The following ENOX2 variants were observed in gnomAD, a reference collection of about 807,000 sequenced individuals.
ENOX2 encodes the protein ecto-NOX disulfide-thiol exchanger 2, also known as APK1 antigen.
A neutral mutation model predicts 45.0 loss-of-function variants in ENOX2; 36 were observed. The observed-to-expected ratio is 0.80, with a 90% CI of 0.61 to 1.06. The LOEUF is 1.06. ENOX2 is among the 50% of genes least tolerant of loss of function. The pLI, the probability that ENOX2 is intolerant of heterozygous loss-of-function variation, is 0.00. For synonymous variants in ENOX2, 174 were observed against 152.3 expected (o/e 1.14, Z -1.05); for missense variants, 423 against 462.5 (o/e 0.91, Z 0.78).
chrX:130,771,890 T>C (rs1221128599), intron 3 of ENOX2, among the ~76,000 whole-genome samples: 1 of 112,083 alleles, frequency 8.9e-6, no homozygotes, highest in African/African-American at 3.2e-5. Context: ...ATATGCAAGA[T>C]GAGAGTACTA....
At chrX:130,726,437 G>A (rs921457683) in intron 3 of ENOX2, among the ~76,000 whole-genome samples, 2 of 112,245 alleles carry the variant, frequency 1.8e-5, no homozygotes, top group African/African-American at 6.5e-5. Context: ...CAATTTTCAC[G>A]CATACTGCTG....
At chrX:130,765,291 A>G (rs1009154085) in intron 3 of ENOX2, among the ~76,000 whole-genome samples, 2 of 110,873 alleles carry the variant, frequency 1.8e-5, no homozygotes, top group African/African-American at 6.5e-5. Flanking sequence ...ACATCTAAAT[A>G]TAAGAGTTAT....
Position 130,715,631 on chromosome X carries a change from C to A in ENOX2, c.-38-12377G>T, listed in dbSNP as rs765636507. On this transcript the variant is annotated intron_variant, in intron 3 of 14. Transcript: ENST00000394363. Reference sequence around the variant, plus strand: ...AACCACTAGCATGCATTTGGCCAGACCAGGCATGATAAACTCTCAAGCCTT... The same window carrying A: ...AACCACTAGCATGCATTTGGCCAGAACAGGCATGATAAACTCTCAAGCCTT... Among the ~76,000 whole-genome samples the A allele has an allele frequency of 2.7e-5, 3 of 110,258 alleles. No individual in the cohort carries two copies. In the East Asian group the frequency reaches 8.5e-4, roughly 31 times the overall value.
chrX:130,754,589 A>G (rs1569497238), intron 3 of ENOX2, among the ~76,000 whole-genome samples: 1 of 111,898 alleles, frequency 8.9e-6, no homozygotes, highest in Non-Finnish European at 1.9e-5. Context: ...TTTTGCAGCA[A>G]CATGGATGCA....
At chrX:130,862,498 T>C (rs1232374917) in intron 2 of ENOX2, among the ~76,000 whole-genome samples, 1 of 110,661 alleles carries the variant, frequency 9.0e-6, no homozygotes, top group Non-Finnish European at 1.9e-5. Context: ...ATTGCCTATA[T>C]ATGTATACAT....
At chrX:130,780,505 A>G (rs137881029) in intron 3 of ENOX2, among the ~76,000 whole-genome samples, 369 of 112,070 alleles carry the variant, frequency 3.3e-3, no homozygotes, top group African/African-American at 0.011. Flanking sequence ...GATGAAGAAA[A>G]TGAGAAAGAA....
intron 13 of ENOX2, among the ~76,000 whole-genome samples, chrX:130,630,490 A>C (rs892393311): frequency 9.0e-6 from 1 of 111,289 alleles, no homozygotes; most frequent in African/African-American, 3.3e-5. Context: ...TGAAGCCTCC[A>C]TAAGAACTTT....
chrX:130,695,830 T>C (rs2037743736), intron 4 of ENOX2, among the ~76,000 whole-genome samples: 1 of 111,520 alleles, frequency 9.0e-6, no homozygotes, highest in African/African-American at 3.3e-5. Context: ...TTAAAAGACT[T>C]TTTAGGCAGT....
intron 2 of ENOX2, among the ~76,000 whole-genome samples, chrX:130,792,446 A>C (rs1420465915): frequency 8.9e-6 from 1 of 112,715 alleles, no homozygotes; most frequent in African/African-American, 3.2e-5. Context: ...TGTGCTATGC[A>C]ATACAGTAGC....
At chrX:130,805,414 G>C (rs926397392) in intron 2 of ENOX2, among the ~76,000 whole-genome samples, 1 of 112,166 alleles carries the variant, frequency 8.9e-6, no homozygotes, top group Non-Finnish European at 1.9e-5. Flanking sequence ...GAAAATGTCT[G>C]AGACAGTATC....
chrX:130,804,118 A>G (rs1223677743), intron 2 of ENOX2, among the ~76,000 whole-genome samples: 2 of 111,682 alleles, frequency 1.8e-5, no homozygotes, highest in Admixed American at 9.5e-5. Context: ...AGAATTAATG[A>G]GCAGTAAAAT....
intron 3 of ENOX2, among the ~76,000 whole-genome samples, chrX:130,751,951 G>A (rs1173361247): frequency 9.0e-6 from 1 of 111,387 alleles, no homozygotes; most frequent in Non-Finnish European, 1.9e-5. Flanking sequence ...TCCTTTATAT[G>A]TCCTGGATAC....
At chrX:130,881,007 T>A (rs2078798255) in intron 2 of ENOX2, among the ~76,000 whole-genome samples, 1 of 112,539 alleles carries the variant, frequency 8.9e-6, no homozygotes, top group East Asian at 2.8e-4. Context: ...ACTGTGGCCA[T>A]CTAGACCTGT....
At position 130,783,584 on chromosome X, in the gene ENOX2, T is replaced by C; in HGVS notation, c.-76A>G. On this transcript the variant is annotated 5_prime_UTR_variant, in exon 3 of 15. Coordinates refer to ENST00000394363, the MANE Select transcript of ENOX2 (RefSeq NM_006375.4). ...TTGTTCTCTTTCTTTTCTTGCTTGA[T>C]TCCCCTCCATTCTCAATGAGGCCTT... The C allele has an allele frequency of 6.1e-6, 2 of 330,132 alleles. No individual in the cohort carries two copies. The highest frequency in any genetic ancestry group is 5.2e-5 in the South Asian group (2 of 38,283). 27.2% of individuals were successfully genotyped at this position (330,132 alleles called of 1,213,427 possible).
At chrX:130,705,112 G>T (rs940024196) in intron 3 of ENOX2, among the ~76,000 whole-genome samples, 2 of 112,346 alleles carry the variant, frequency 1.8e-5, no homozygotes, top group African/African-American at 6.5e-5. Context: ...TACCTTTAGA[G>T]ATTATTGAGT....
intron 3 of ENOX2, among the ~76,000 whole-genome samples, chrX:130,775,580 G>GAC (rs1376593531): frequency 9.1e-6 from 1 of 109,776 alleles, no homozygotes; most frequent in African/African-American, 3.3e-5. Flanking sequence ...ACTGAAGTGT[G>GAC]ACACAGGCCA....
At chrX:130,692,745 TA>T (rs1446944218) in intron 4 of ENOX2, among the ~76,000 whole-genome samples, 2 of 107,563 alleles carry the variant, frequency 1.9e-5, no homozygotes, top group African/African-American at 6.9e-5. Flanking sequence ...CATACCCGGC[TA>T]TTTTTTTTTT....
intron 3 of ENOX2, among the ~76,000 whole-genome samples, chrX:130,738,074 T>C (rs1458300729): frequency 8.9e-6 from 1 of 112,149 alleles, no homozygotes; most frequent in East Asian, 2.8e-4. Context: ...ATTCACTCTT[T>C]CAGTTTCTAC....
At chrX:130,886,160 A>G (rs1451667363) in intron 2 of ENOX2, among the ~76,000 whole-genome samples, 2 of 112,768 alleles carry the variant, frequency 1.8e-5, no homozygotes, top group Non-Finnish European at 3.7e-5. Flanking sequence ...ATGCTCTTCA[A>G]CGTAACCTTG....
Sources: gnomAD v4.1 joint callset for allele counts (sites outside exome capture counted in the v4.1 genomes callset) on GRCh38, gnomAD v4.1.1 for gene constraint, MANE v1.5 for transcripts, NCBI Gene and HGNC (gene_info 2026-07-23, HGNC 2026-07-21) for gene names.